The following MXRA5 variants were observed in gnomAD, a reference collection of about 807,000 sequenced individuals.
MXRA5 encodes matrix-remodeling-associated protein 5.
In MXRA5, 41 loss-of-function variants were observed where a neutral mutation model predicts 112.5. That is an observed-to-expected ratio of 0.36 (90% confidence interval 0.28 to 0.47). MXRA5 has a LOEUF of 0.47. MXRA5 is among the 20% of genes least tolerant of loss of function. MXRA5 has a pLI of 0.99. For missense variants in MXRA5, 2,150 were observed against 2,251.0 expected, an observed-to-expected ratio of 0.96 and a Z score of 0.91; for synonymous variants, 862 against 900.8, an observed-to-expected ratio of 0.96 and a Z score of 0.77.
In MXRA5 at chrX:3,320,029, T is replaced by C. The variant is rs1406819856; in HGVS notation, c.5656A>G (p.Thr1886Ala). Residue 1886 changes from threonine to alanine, a missense_variant, in exon 5 of 7, where the codon ACT becomes GCT. Thr to Ala is a moderately conservative substitution (Grantham distance 58, BLOSUM62 0). Transcript: ENST00000217939. ...EATGKPKPFV[T>A]WTKVSTGALM... ...TTACCTGTGGAAACCTTTGTCCAAG[T>C]AACGAAAGGCTTTGGTTTTCCTGTT... The C allele has an allele frequency of 1.7e-6, 2 of 1,198,430 alleles. No homozygotes were observed. The highest frequency in any genetic ancestry group is 2.2e-6 in the Non-Finnish European group (2 of 889,380).
At position 3,309,688 on chromosome X, in the gene MXRA5, C is replaced by T. The variant is rs181067329; in HGVS notation, c.*28G>A. 202 of 1,175,425 alleles carry T rather than the reference C, an allele frequency of 1.7e-4. 3 individuals are homozygous for T. The African/African-American group carries it at 2.9e-3, about 17-fold the overall frequency. On this transcript the variant is annotated 3_prime_UTR_variant, in exon 7 of 7. Transcript: ENST00000217939. ...TACAAACCCCGCTTTGTTGTCAGTTCCTAAGCAATCATTCTGGAATCCACA... is the reference window on the plus strand; with the variant it reads ...TACAAACCCCGCTTTGTTGTCAGTTTCTAAGCAATCATTCTGGAATCCACA...
Position 3,323,619 on chromosome X carries a change from G to C in MXRA5, c.2066C>G (p.Ser689Cys), listed in dbSNP as rs749063382. ...CTCCACGATGTCTTCTCTGACTCTG[G>C]AAAGAGCCTTTGCACCTGGGCGTCT... is the stretch of plus-strand genomic sequence containing the variant. ...RGRRPGAKAL[S>C]RVREDIVEDE... is the part of the protein sequence containing the mutation. Residue 689 changes from serine (S) to cysteine (C), a missense_variant, in exon 5 of 7, where the codon TCC becomes TGC. Coordinates refer to ENST00000217939, the MANE Select transcript of MXRA5 (RefSeq NM_015419.4). 20 of 1,210,997 alleles carry C rather than the reference G, an allele frequency of 1.7e-5. No homozygotes were observed. In the East Asian group the frequency reaches 5.6e-4, roughly 34 times the overall value.
At chrX:3,330,934 A>G (rs1921649744) in intron 2 of MXRA5, among the ~76,000 whole-genome samples, 161 bp from the exon 3 acceptor site, 1 of 111,262 alleles carries the variant, frequency 9.0e-6, no homozygotes, top group Admixed American at 9.6e-5. Context: ...AGACAATCTT[A>G]CTCCGTCACC....
intron 1 of MXRA5, among the ~76,000 whole-genome samples, chrX:3,346,028 G>C (rs192546039): frequency 1.8e-5 from 2 of 112,366 alleles, no homozygotes; most frequent in South Asian, 3.7e-4. Flanking sequence ...GGGAAGGAGA[G>C]GGGGAAGAGA....
In MXRA5 at chrX:3,309,602, G is replaced by C; in HGVS notation, c.*114C>G. The C allele has an allele frequency of 3.2e-6, 2 of 622,275 alleles. No homozygotes were observed. The highest frequency in any genetic ancestry group is 4.9e-6 in the Non-Finnish European group (2 of 407,257). The allele number at this position is 622,275 out of a possible 1,213,427, so 51.3% of individuals were successfully genotyped here. ...ATCAACCTCAACTTGAAACCCACCA[G>C]AGGCCACCATGCACTGTGACACATT... On this transcript the variant is annotated 3_prime_UTR_variant, in exon 7 of 7. Transcript: ENST00000217939.
rs752697866 is a variant in MXRA5 at position 3,339,956 on chromosome X, G to A, written c.188+3690C>T. 1.4e-4 allele frequency among the ~76,000 whole-genome samples: 16 copies of A among 111,803 alleles called. No homozygotes were observed. In the South Asian group the frequency reaches 1.9e-3, roughly 13 times the overall value. ...TTTGCAAAATTATGTCTTCGGTTCC[G>A]GTTAATATCACAAGGCAGAACTTAA... On this transcript the variant is annotated intron_variant, in intron 2 of 6. Coordinates refer to ENST00000217939, the MANE Select transcript of MXRA5 (RefSeq NM_015419.4).
rs1224552485 is a variant in MXRA5 at position 3,322,118 on chromosome X, G to A, written c.3567C>T (p.Asp1189=). Residue 1189 remains aspartate (D), a synonymous_variant, in exon 5 of 7, where the codon GAC becomes GAT. Coordinates refer to ENST00000217939, the MANE Select transcript of MXRA5 (RefSeq NM_015419.4). ...TCTCCACTTGACTTGAAATCTTAAT[G>A]TCAGGTGCTTGAGTTGGTTGAGTAG... ...TFSTQPTQAP[D]IKISSQVESS... is the part of the protein sequence containing the mutation. 2 of 1,208,039 alleles carry A rather than the reference G, an allele frequency of 1.7e-6. No homozygotes were observed. The highest frequency in any genetic ancestry group is 1.1e-6 in the Non-Finnish European group (1 of 893,299).
At position 3,330,663 on chromosome X, in the gene MXRA5, C is replaced by T; in HGVS notation, c.299G>A (p.Arg100Lys). ...EIPSIPDGAL[R>K]DLSSLQVFKF... is the part of the protein sequence containing the mutation. ...GTTTACCTGAAGAGAGCTGAGGTCT[C>T]TTAAAGCTCCATCGGGGATGCTTGG... Residue 100 changes from arginine to lysine, a missense_variant, in exon 3 of 7, where the codon AGA becomes AAA. Around this residue, in one of 6 missense-constraint regions of MXRA5, gnomAD observed 386 missense variants for 411.0 expected, o/e 0.94. Coordinates refer to ENST00000217939, the MANE Select transcript of MXRA5 (RefSeq NM_015419.4). 8.3e-7 allele frequency: 1 copy of T among 1,209,830 alleles called. No individual in the cohort carries two copies. The highest frequency in any genetic ancestry group is 1.1e-6 in the Non-Finnish European group (1 of 894,643).
At chrX:3,315,270 C>T (rs185611067) in intron 6 of MXRA5, among the ~76,000 whole-genome samples, 1 of 107,277 alleles carries the variant, frequency 9.3e-6, no homozygotes, top group African/African-American at 3.4e-5. Flanking sequence ...TGCCTGGTTG[C>T]AAACCACTGC....
intron 2 of MXRA5, among the ~76,000 whole-genome samples, chrX:3,335,089 T>C (rs1921752949): frequency 8.9e-6 from 1 of 112,148 alleles, no homozygotes; most frequent in African/African-American, 3.2e-5. Flanking sequence ...GTTGTTGCTG[T>C]GTTTGCAGGG....
At chrX:3,314,211 A>G (rs182445755) in intron 6 of MXRA5, among the ~76,000 whole-genome samples, 9 of 112,278 alleles carry the variant, frequency 8.0e-5, no homozygotes, top group African/African-American at 2.9e-4. Context: ...TTAAAGAGAT[A>G]TTAGCTCTTT....
chrX:3,320,265 G>A lies in MXRA5; in HGVS notation c.5420C>T (p.Pro1807Leu), dbSNP rs890535898. ...GSPSTNLQNI[P>L]MVSSTQSSIS... ...AGAACTCTGGGTGGAAGAGACCATA[G>A]GGATATTCTGTAAGTTAGTTGAGGG... Residue 1807 changes from proline (P) to leucine (L), a missense_variant, in exon 5 of 7, where the codon CCT becomes CTT. Coordinates refer to ENST00000217939, the MANE Select transcript of MXRA5 (RefSeq NM_015419.4). The A allele has an allele frequency of 8.3e-7, 1 of 1,211,415 alleles. No homozygotes were observed. The highest frequency in any genetic ancestry group is 2.2e-5 in the Admixed American group (1 of 46,025).
chrX:3,329,293 AAAAG>A (rs1921593602), intron 4 of MXRA5, among the ~76,000 whole-genome samples: 1 of 96,724 alleles, frequency 1.0e-5, no homozygotes, highest in African/African-American at 3.8e-5. Context: ...AAGCAAGGAA[AAAAG>A]AAGGAAGGAA....
chrX:3,345,020 C>T (rs1165400177), intron 1 of MXRA5, among the ~76,000 whole-genome samples: 2 of 111,833 alleles, frequency 1.8e-5, no homozygotes, highest in African/African-American at 6.5e-5. Context: ...ATAATCTCAG[C>T]TGCTCGGGAG....
rs372196912 is a variant in MXRA5 at position 3,320,162 on chromosome X, A to T, written c.5523T>A (p.Pro1841=). 3.3e-5 allele frequency: 40 copies of T among 1,208,980 alleles called. No individual in the cohort carries two copies. The African/African-American group carries it at 6.7e-4, about 20-fold the overall frequency. The change falls in exon 5 of 7, where the codon CCT becomes CCA. Residue 1841 remains proline, a synonymous_variant. Coordinates refer to ENST00000217939, the MANE Select transcript of MXRA5 (RefSeq NM_015419.4). ...CAAGAGACCAGAATTTGGATGCAGG[A>T]GGTCCTCCTGCAAAGAACTTTGAGC... ...QSSSKFFAGG[P]PASKFWSLGE...
intron 4 of MXRA5, among the ~76,000 whole-genome samples, chrX:3,325,984 T>C: frequency 1.5e-5 from 1 of 65,730 alleles, no homozygotes; most frequent in Non-Finnish European, 2.6e-5. Context: ...ATTTATAATA[T>C]ATAATTTATA....
chrX:3,311,711 G>T, intron 6 of MXRA5, 87 bp from the exon 7 acceptor site: 1 of 783,471 alleles, frequency 1.3e-6, no homozygotes. Context: ...ACAAAAATAG[G>T]TGTTTCTGTG....
chrX:3,344,886 GC>G (rs1362154634), intron 1 of MXRA5, among the ~76,000 whole-genome samples: 1 of 111,117 alleles, frequency 9.0e-6, no homozygotes, highest in African/African-American at 3.3e-5. Context: ...GCCGAGGCGG[GC>G]GGATCACCTG....
chrX:3,323,027 T>A lies in MXRA5; in HGVS notation c.2658A>T (p.Glu886Asp), dbSNP rs1921354323. ...EPEVTSTPLEEVVDDLSEKTE... is the reference protein window; with the variant it reads ...EPEVTSTPLEDVVDDLSEKTE... The stretch of plus-strand genomic sequence containing the variant: ...TCTTCTCGGAAAGGTCATCAACAAC[T>A]TCCTCCAGAGGTGTGCTTGTTACTT... The change falls in exon 5 of 7, where the codon GAA becomes GAT. Residue 886 changes from glutamate to aspartate, a missense_variant. Coordinates refer to ENST00000217939, the MANE Select transcript of MXRA5 (RefSeq NM_015419.4). 1 of 1,209,749 alleles carries A rather than the reference T, an allele frequency of 8.3e-7. No individual in the cohort carries two copies. The highest frequency in any genetic ancestry group is 1.8e-5 in the African/African-American group (1 of 57,102).
Sources: gnomAD v4.1 joint callset for allele counts (sites outside exome capture counted in the v4.1 genomes callset) on GRCh38, gnomAD v4.1.1 for gene constraint, gnomAD v4.1.1 regional missense constraint, MANE v1.5 for transcripts, NCBI Gene and HGNC (gene_info 2026-07-23, HGNC 2026-07-21) for gene names.